Variants in MEGF6 observed in about 807,000 individuals in gnomAD.
MEGF6 encodes the protein multiple EGF like domains 6.
A neutral mutation model predicts 207.1 loss-of-function variants in MEGF6; 184 were observed. The ratio of observed to expected loss-of-function variants is 0.89; its 90% confidence interval spans 0.79 to 1.00. The LOEUF (loss-of-function observed/expected upper bound fraction) is 1.00. MEGF6 is among the 50% of genes least tolerant of loss of function. The pLI is 0.00. For synonymous variants in MEGF6, 1,038 were observed against 910.0 expected, an observed-to-expected ratio of 1.14 and a Z score of -2.53; for missense variants, 2,282 against 2,202.9, an observed-to-expected ratio of 1.04 and a Z score of -0.72.
chr1:3,618,020 C>T, the MEGF6 span, among the ~76,000 whole-genome samples: 1 of 152,126 alleles, frequency 6.6e-6, no homozygotes, highest in Non-Finnish European at 1.5e-5. The surrounding 1 kb of genome is among the most constrained non-coding windows in gnomAD (Gnocchi z 4.7). Flanking sequence ...GCGGGTGCTG[C>T]CCTGCCCTGC....
At chr1:3,611,100 G>T (rs1321468321) in intron 1 of MEGF6, 38 bp downstream of exon 1, 1 of 1,446,816 alleles carries the variant, frequency 6.9e-7, no homozygotes. Context: ...CGGGGTCCCT[G>T]GACGACCGGC....
At chr1:3,518,141 G>A (rs11807383) in intron 5 of MEGF6, among the ~76,000 whole-genome samples, 4,419 of 152,272 alleles carry the variant, frequency 0.029, 204 homozygotes, top group African/African-American at 0.1. Context: ...CTGTGTTGGA[G>A]CCTTAATCTC....
At chr1:3,598,728 C>CAG (rs1557808602) in intron 2 of MEGF6, among the ~76,000 whole-genome samples, 1 of 139,044 alleles carries the variant, frequency 7.2e-6, no homozygotes, top group African/African-American at 2.8e-5. Flanking sequence ...CCCCCCCCCC[C>CAG]CCCGGGGCCC....
At position 3,594,430 on chromosome 1, in the gene MEGF6, A is replaced by G. The variant is rs1557804688; in HGVS notation, c.376+908T>C. On this transcript the variant is annotated intron_variant, in intron 3 of 36. Transcript: ENST00000356575. This position sits in a 1 kb window ranked among gnomAD's most constrained non-coding sequence, Gnocchi z 4.2. ...GTTGACAGAGTAAGACCTTACCTCT[A>G]AAAAATAAACATAAAAAGTAACAAA... Among the ~76,000 whole-genome samples, 1 of 152,200 alleles carries G rather than the reference A, an allele frequency of 6.6e-6. No individual in the cohort carries two copies.
chr1:3,498,285 G>A lies in MEGF6; in HGVS notation c.3352+86C>T, dbSNP rs545782705. The A allele has an allele frequency of 1.6e-5, 23 of 1,467,176 alleles. No homozygotes were observed. The African/African-American group carries it at 1.8e-4, about 12-fold the overall frequency. The allele number at this position is 1,467,176 out of a possible 1,614,324, so 90.9% of individuals were successfully genotyped here. ...GGTCCCCTGGTGAGGCCCCAAACCG[G>A]GCACAGTCCTCAGCCCTGCAGTAAG... On this transcript the variant is annotated intron_variant, in intron 26 of 36. Transcript: ENST00000356575.
intron 4 of MEGF6, among the ~76,000 whole-genome samples, chr1:3,559,361 A>T (rs113908038): frequency 3.1e-3 from 473 of 152,136 alleles, no homozygotes; most frequent in Middle Eastern, 0.01. Flanking sequence ...TTGACCATTC[A>T]AACATCAACT....
rs375741264 is a variant in MEGF6 at position 3,511,589 on chromosome 1, G to T, written c.1075C>A (p.Arg359Ser). ...TSAGPLCTCP[R>S]GYELDTDQRT... is the part of the protein sequence containing the mutation. The stretch of plus-strand genomic sequence containing the variant: ...TGATCTGTGTCCAGCTCGTAGCCGC[G>T]GGGACATGTGCACAGGGGCCCAGCA... The change falls in exon 9 of 37, where the codon CGC becomes AGC. Residue 359 changes from arginine to serine, a missense_variant. Coordinates refer to ENST00000356575, the MANE Select transcript of MEGF6 (RefSeq NM_001409.4). 1.6e-5 allele frequency: 26 copies of T among 1,611,838 alleles called. No individual in the cohort carries two copies. In the South Asian group the frequency reaches 2.9e-4, roughly 18 times the overall value.
chr1:3,497,605 T>C (rs1374316802), intron 26 of MEGF6: 3 of 679,610 alleles, frequency 4.4e-6, no homozygotes, highest in East Asian at 2.8e-5. Context: ...GAGGCCCGAA[T>C]GTGCCCTTGG....
chr1:3,531,890 G>A (rs1055783221), intron 4 of MEGF6, among the ~76,000 whole-genome samples: 2 of 152,212 alleles, frequency 1.3e-5, no homozygotes, highest in Admixed American at 6.5e-5. Flanking sequence ...TGACAAGGGT[G>A]GGGAAGATGG....
At position 3,509,092 on chromosome 1, in the gene MEGF6, G is replaced by A. The variant is rs776785263; in HGVS notation, c.1511C>T (p.Thr504Met). The change falls in exon 12 of 37, where the codon ACG becomes ATG. Residue 504 changes from threonine to methionine, a missense_variant. Thr to Met is a moderately conservative substitution (Grantham distance 81, BLOSUM62 -1). Transcript: ENST00000356575. ...GCGCTCACCAAACTTCTCTGTGAGC[G>A]TGTGTTCGCCCCGCAACTCTGCCTC... ...EEEAELRGEH[T>M]LTEKFVCLDD... 5.0e-5 allele frequency: 80 copies of A among 1,595,990 alleles called. 1 individual carries two copies. The South Asian group carries it at 6.2e-4, about 12-fold the overall frequency.
intron 4 of MEGF6, among the ~76,000 whole-genome samples, chr1:3,569,963 CAG>C (rs1365626963): frequency 1.3e-5 from 2 of 152,232 alleles, no homozygotes; most frequent in Non-Finnish European, 2.9e-5. Flanking sequence ...AGGAGAAAGA[CAG>C]AGGCCCTTTT....
At chr1:3,593,772 C>G in intron 3 of MEGF6, among the ~76,000 whole-genome samples, 1 of 152,112 alleles carries the variant, frequency 6.6e-6, no homozygotes. Context: ...AGGCACAGCT[C>G]AGGTGCCATC....
chr1:3,567,496 G>A (rs908255717), intron 4 of MEGF6, among the ~76,000 whole-genome samples: 4 of 152,138 alleles, frequency 2.6e-5, no homozygotes, highest in African/African-American at 9.7e-5. Context: ...TGCGTGTGGC[G>A]GGGATCCCTC....
chr1:3,539,024 T>C (rs1477294328), intron 4 of MEGF6, among the ~76,000 whole-genome samples: 3 of 152,096 alleles, frequency 2.0e-5, no homozygotes, highest in African/African-American at 7.2e-5. Context: ...CAGCTGGCCT[T>C]TGGACATGAC....
At chr1:3,619,674 C>G in the MEGF6 span, among the ~76,000 whole-genome samples, 2 of 150,268 alleles carry the variant, frequency 1.3e-5, no homozygotes, top group Non-Finnish European at 3.0e-5. Context: ...TTTCCTGAGG[C>G]CTCCCCAGCC....
the MEGF6 span, among the ~76,000 whole-genome samples, chr1:3,622,321 C>T: frequency 1.3e-5 from 2 of 152,146 alleles, no homozygotes; most frequent in Non-Finnish European, 2.9e-5. Context: ...TGGCACATCC[C>T]ACTACCCCCG....
chr1:3,511,886 C>A (rs936001170), intron 8 of MEGF6, 120 bp downstream of exon 8: 2 of 1,511,892 alleles, frequency 1.3e-6, no homozygotes, highest in East Asian at 2.4e-5. Flanking sequence ...AGGGCTCACA[C>A]CCAGGGCTGC....
chr1:3,611,332 T>G lies in MEGF6; in HGVS notation c.-64A>C, dbSNP rs1644323011. On this transcript the variant is annotated 5_prime_UTR_variant, in exon 1 of 37. Coordinates refer to ENST00000356575, the MANE Select transcript of MEGF6 (RefSeq NM_001409.4). Reference sequence around the variant, plus strand: ...GCGGCCCCGGCGGCTCCCCGGAGCCTCCGCCTCCACGTGCGCCATAGGACG... The same window carrying G: ...GCGGCCCCGGCGGCTCCCCGGAGCCGCCGCCTCCACGTGCGCCATAGGACG... The G allele has an allele frequency of 7.2e-7, 1 of 1,386,110 alleles. No homozygotes were observed. The highest frequency in any genetic ancestry group is 9.3e-7 in the Non-Finnish European group (1 of 1,076,350). 85.9% of individuals were successfully genotyped at this position (1,386,110 alleles called of 1,614,324 possible).
chr1:3,552,868 C>G (rs1305367171), intron 4 of MEGF6, among the ~76,000 whole-genome samples: 1 of 152,144 alleles, frequency 6.6e-6, no homozygotes, highest in African/African-American at 2.4e-5. Flanking sequence ...AGTCCCCCAC[C>G]AGGTAAGCCT....
Sources: allele counts gnomAD v4.1 joint callset (sites outside exome capture counted in the v4.1 genomes callset), GRCh38; gene constraint gnomAD v4.1.1; non-coding constraint Gnocchi (gnomAD v3.1); transcripts MANE v1.5; gene names NCBI Gene and HGNC (gene_info 2026-07-23, HGNC 2026-07-21).